OMA1: variants seen among roughly 807,000 people sequenced by gnomAD.
The protein encoded by OMA1 is metalloendopeptidase OMA1, mitochondrial.
A neutral mutation model predicts 30.9 loss-of-function variants in OMA1; 38 were observed. The observed-to-expected ratio is 1.23, with a 90% CI of 0.95 to 1.61. The LOEUF is 1.61. Among genes scored for constraint, OMA1 ranks in the 40% most tolerant of loss-of-function variants. OMA1 has a pLI of 0.00. For synonymous variants in OMA1, 173 were observed against 121.9 expected (o/e 1.42, Z -2.76); for missense variants, 461 against 349.2 (o/e 1.32, Z -2.55).
At chr1:58,543,925 G>A (rs1646661855) in intron 1 of OMA1, among the ~76,000 whole-genome samples, 1 of 152,164 alleles carries the variant, frequency 6.6e-6, no homozygotes, top group Admixed American at 6.5e-5. Context: ...TGTGACTGGT[G>A]CATCTGAGGA....
intron 1 of OMA1, among the ~76,000 whole-genome samples, chr1:58,546,475 T>C (rs1305190216): frequency 6.7e-6 from 1 of 149,900 alleles, no homozygotes; most frequent in East Asian, 2.0e-4. Flanking sequence ...CCAGGACAGA[T>C]CCCCTCCGTC....
intron 7 of OMA1, among the ~76,000 whole-genome samples, chr1:58,507,206 T>A (rs996188698): frequency 2.0e-5 from 3 of 151,902 alleles, no homozygotes; most frequent in Non-Finnish European, 4.4e-5. Context: ...TCTTAACTTA[T>A]TCTTTCTATA....
At chr1:58,518,276 A>AGG (rs1196538416) in intron 7 of OMA1, among the ~76,000 whole-genome samples, 83 of 6,854 alleles carry the variant, frequency 0.012, 24 homozygotes, top group African/African-American at 0.018. Context: ...GAGAGAGGAG[A>AGG]GGAGAAGAGA....
At chr1:58,525,297 A>G (rs921878227) in intron 7 of OMA1, among the ~76,000 whole-genome samples, 12 of 152,110 alleles carry the variant, frequency 7.9e-5, no homozygotes, top group African/African-American at 2.9e-4. Context: ...ACCTTCCAAT[A>G]TATTTATTGA....
intron 7 of OMA1, among the ~76,000 whole-genome samples, chr1:58,511,752 T>C (rs181405386): frequency 1.3e-5 from 2 of 152,218 alleles, no homozygotes; most frequent in Non-Finnish European, 2.9e-5. Context: ...TATCTTACGC[T>C]ACACACAAAA....
intron 8 of OMA1, among the ~76,000 whole-genome samples, chr1:58,489,250 T>G (rs1302497586): frequency 6.6e-6 from 1 of 152,178 alleles, no homozygotes; most frequent in Non-Finnish European, 1.5e-5. Flanking sequence ...ACCCTAATAC[T>G]GCAATTTTCC....
intron 7 of OMA1, among the ~76,000 whole-genome samples, chr1:58,511,031 G>A (rs898482371): frequency 3.3e-5 from 5 of 152,000 alleles, no homozygotes; most frequent in South Asian, 2.1e-4. Context: ...ACTTAATATC[G>A]TTAAAATATC....
chr1:58,533,239 C>A (rs76281957), intron 5 of OMA1, among the ~76,000 whole-genome samples: 2,811 of 152,176 alleles, frequency 0.018, 57 homozygotes, highest in East Asian at 0.12. Context: ...ATAAGAAAAG[C>A]GCTGCTAAAA....
intron 3 of OMA1, 118 bp downstream of exon 3, chr1:58,536,395 T>A: frequency 1.6e-6 from 1 of 628,136 alleles, no homozygotes; most frequent in Non-Finnish European, 2.8e-6. Context: ...GAAAAAAAAA[T>A]GCTAATTTCA....
intron 5 of OMA1, 113 bp from the exon 6 acceptor site, chr1:58,530,842 A>C: frequency 1.6e-6 from 1 of 636,374 alleles, no homozygotes; most frequent in South Asian, 2.0e-5. Flanking sequence ...CCTAAGACTG[A>C]GAGTTCTCTT....
At chr1:58,500,519 A>C (rs983446597) in intron 8 of OMA1, among the ~76,000 whole-genome samples, 2 of 152,208 alleles carry the variant, frequency 1.3e-5, no homozygotes, top group African/African-American at 4.8e-5. Flanking sequence ...AAGGATTCAA[A>C]ATAAAATGAG....
intron 7 of OMA1, among the ~76,000 whole-genome samples, chr1:58,518,405 T>C (rs1231377089): frequency 2.6e-5 from 4 of 151,126 alleles, no homozygotes; most frequent in Admixed American, 2.0e-4. Flanking sequence ...GAAAAGAGAA[T>C]ATCATCATAG....
intron 8 of OMA1, among the ~76,000 whole-genome samples, chr1:58,500,936 A>G (rs1456116010): frequency 6.6e-6 from 1 of 152,226 alleles, no homozygotes; most frequent in Non-Finnish European, 1.5e-5. Flanking sequence ...TCTTTCAACG[A>G]CAAATTATAA....
intron 7 of OMA1, among the ~76,000 whole-genome samples, chr1:58,519,290 A>G (rs78411998): frequency 6.6e-6 from 1 of 152,268 alleles, no homozygotes; most frequent in East Asian, 1.9e-4. Flanking sequence ...GTTACATGAG[A>G]TATTTTGATA....
chr1:58,488,665 T>TG (rs924118875), intron 8 of OMA1, among the ~76,000 whole-genome samples: 1 of 152,212 alleles, frequency 6.6e-6, no homozygotes, highest in Non-Finnish European at 1.5e-5. Context: ...TTGGTCAGGC[T>TG]GGTCTTGAAC....
At position 58,483,379 on chromosome 1, in the gene OMA1, G is replaced by T. The variant is rs372399107; in HGVS notation, c.1366-2205C>A. Among the ~76,000 whole-genome samples, 40 of 152,320 alleles carry T rather than the reference G, an allele frequency of 2.6e-4. 2 individuals are homozygous for T. In the East Asian group the frequency reaches 7.1e-3, roughly 27 times the overall value. On this transcript the variant is annotated intron_variant, in intron 8 of 8. Coordinates refer to ENST00000371226, the MANE Select transcript of OMA1 (RefSeq NM_145243.5). The stretch of plus-strand genomic sequence containing the variant: ...CACAGGAGAGAGGGACTTGTAGTCA[G>T]ATGCGAGCCAGATAGACGTTCTCTA...
At chr1:58,487,927 C>T (rs773706251) in intron 8 of OMA1, among the ~76,000 whole-genome samples, 3 of 152,126 alleles carry the variant, frequency 2.0e-5, no homozygotes, top group Non-Finnish European at 2.9e-5. Context: ...ATCCTATTTA[C>T]ATTTTACTTT....
At chr1:58,529,742 T>A (rs1033153699) in intron 6 of OMA1, among the ~76,000 whole-genome samples, 1 of 152,146 alleles carries the variant, frequency 6.6e-6, no homozygotes, top group Admixed American at 6.5e-5. Context: ...AAAAACAATT[T>A]AAAAAACTAC....
In OMA1 at chr1:58,490,795, CTTTTTTTTTTTTT is replaced by C. The variant is rs148145860; in HGVS notation, c.1366-9634_1366-9622del. ...AGAGTGGGGGCCAATAGTCAACATT[CTTTTTTTTTTTTT>C]TTTTTTTTTTTTTTTTTGAGACGGA... On this transcript the variant is annotated intron_variant, in intron 8 of 8. Coordinates refer to ENST00000371226, the MANE Select transcript of OMA1 (RefSeq NM_145243.5). Among the ~76,000 whole-genome samples, 33 of 59,272 alleles carry C rather than the reference CTTTTTTTTTTTTT, an allele frequency of 5.6e-4. 1 individual carries two copies. Among genetic ancestry groups the C allele is most frequent in the Non-Finnish European group, 7.1e-4 (24 of 33,734 alleles). The allele number at this position is 59,272 out of a possible 152,430, so 38.9% of individuals were successfully genotyped here.
Sources: allele counts gnomAD v4.1 joint callset (sites outside exome capture counted in the v4.1 genomes callset), GRCh38; gene constraint gnomAD v4.1.1; transcripts MANE v1.5; gene names NCBI Gene and HGNC (gene_info 2026-07-23, HGNC 2026-07-21).